Variants in GALNT13 observed in about 807,000 individuals in gnomAD.
GALNT13 encodes polypeptide N-acetylgalactosaminyltransferase 13, also known as UDP-GalNAc:polypeptide N-acetylgalactosaminyltransferase 13.
Under a neutral mutation model 64.2 loss-of-function variants are expected in GALNT13, and 28 were observed. The ratio of observed to expected loss-of-function variants is 0.44; its 90% CI spans 0.32 to 0.60. GALNT13 has a LOEUF of 0.60. Among genes scored for constraint, GALNT13 ranks in the 20% least tolerant of loss-of-function variants. The pLI is 0.05. For missense variants in GALNT13, 577 were observed against 669.8 expected, an observed-to-expected ratio of 0.86 and a Z score of 1.53; for synonymous variants, 214 against 224.6, an observed-to-expected ratio of 0.95 and a Z score of 0.42.
chr2:153,115,735 A>G, the GALNT13 span, among the ~76,000 whole-genome samples: 1 of 152,186 alleles, frequency 6.6e-6, no homozygotes, highest in Non-Finnish European at 1.5e-5. Flanking sequence ...CCTATTTTGT[A>G]TATAATTATT....
chr2:154,106,530 A>G (rs1702625579), intron 3 of GALNT13, among the ~76,000 whole-genome samples: 1 of 151,744 alleles, frequency 6.6e-6, no homozygotes, highest in South Asian at 2.1e-4. Flanking sequence ...TCTTTCTTTT[A>G]CCTATGTGTC....
At chr2:153,472,221 G>T in the GALNT13 span, among the ~76,000 whole-genome samples, 1 of 152,114 alleles carries the variant, frequency 6.6e-6, no homozygotes, top group Middle Eastern at 3.2e-3. Context: ...GGGAAGGAGT[G>T]CATAATGAAA....
At chr2:153,784,579 C>G in the GALNT13 span, among the ~76,000 whole-genome samples, 1 of 152,200 alleles carries the variant, frequency 6.6e-6, no homozygotes, top group South Asian at 2.1e-4. Context: ...TATGTGAAGT[C>G]TAGGCAGAGC....
At chr2:153,209,247 T>G in the GALNT13 span, among the ~76,000 whole-genome samples, 1 of 152,116 alleles carries the variant, frequency 6.6e-6, no homozygotes, top group Non-Finnish European at 1.5e-5. Context: ...CCCAAAGTGC[T>G]GGGATTACAG....
chr2:153,116,586 ATATT>A, the GALNT13 span, among the ~76,000 whole-genome samples: 11 of 152,112 alleles, frequency 7.2e-5, no homozygotes, highest in African/African-American at 2.7e-4. Flanking sequence ...GCTGCAAATG[ATATT>A]TAGAGCATAA....
intron 11 of GALNT13, among the ~76,000 whole-genome samples, chr2:154,429,601 C>G (rs567222152): frequency 1.1e-4 from 17 of 152,266 alleles, no homozygotes; most frequent in African/African-American, 4.1e-4. Flanking sequence ...GGAGAAGCTG[C>G]AGCAAGTTAT....
chr2:154,219,980 T>TA (rs1444303745), intron 4 of GALNT13, among the ~76,000 whole-genome samples: 5 of 152,118 alleles, frequency 3.3e-5, no homozygotes, highest in Non-Finnish European at 7.4e-5. Flanking sequence ...ATATCATATA[T>TA]AACTTCCAGG....
chr2:153,772,428 G>T, the GALNT13 span, among the ~76,000 whole-genome samples: 1 of 152,114 alleles, frequency 6.6e-6, no homozygotes, highest in Non-Finnish European at 1.5e-5. Context: ...ATCACAGCAG[G>T]AGACTCTGCT....
At chr2:153,291,913 G>T in the GALNT13 span, among the ~76,000 whole-genome samples, 2 of 152,082 alleles carry the variant, frequency 1.3e-5, no homozygotes, top group Non-Finnish European at 2.9e-5. Flanking sequence ...CACGTGCAGT[G>T]GTTTGTCTAG....
chr2:154,379,566 A>T (rs2105329038), intron 9 of GALNT13, among the ~76,000 whole-genome samples: 1 of 152,232 alleles, frequency 6.6e-6, no homozygotes, highest in South Asian at 2.1e-4. Flanking sequence ...CTTTAAAAGT[A>T]AATTATCTAG....
the GALNT13 span, among the ~76,000 whole-genome samples, chr2:153,592,673 T>C: frequency 6.6e-6 from 1 of 152,128 alleles, no homozygotes; most frequent in Non-Finnish European, 1.5e-5. Flanking sequence ...AGTGGAATTA[T>C]AGACAATGGA....
the GALNT13 span, among the ~76,000 whole-genome samples, chr2:153,439,207 G>A: frequency 6.6e-6 from 1 of 152,128 alleles, no homozygotes; most frequent in Admixed American, 6.5e-5. Context: ...ATACCTGGTG[G>A]TGTGAGGTGT....
At chr2:153,258,580 T>C in the GALNT13 span, among the ~76,000 whole-genome samples, 1 of 152,216 alleles carries the variant, frequency 6.6e-6, no homozygotes, top group Admixed American at 6.5e-5. Flanking sequence ...ATTGTTTTGA[T>C]GTAGGTGCTT....
chr2:153,421,144 T>A, the GALNT13 span: 1 of 249,034 alleles, frequency 4.0e-6, no homozygotes, highest in Non-Finnish European at 8.5e-6. Context: ...TGAGCACTGG[T>A]GACCTCTGCT....
intron 9 of GALNT13, among the ~76,000 whole-genome samples, chr2:154,345,442 A>G (rs1006796627): frequency 6.6e-5 from 10 of 152,162 alleles, no homozygotes; most frequent in African/African-American, 1.9e-4. Context: ...AAAATGTTCT[A>G]TAAATTTGCA....
At chr2:153,512,415 C>G in the GALNT13 span, among the ~76,000 whole-genome samples, 4 of 152,140 alleles carry the variant, frequency 2.6e-5, no homozygotes, top group Non-Finnish European at 4.4e-5. Flanking sequence ...GGGCTACAGA[C>G]TTTTTACACT....
chr2:154,438,074 A>T (rs76748846), intron 11 of GALNT13, among the ~76,000 whole-genome samples: 4,575 of 152,170 alleles, frequency 0.03, 105 homozygotes, highest in Middle Eastern at 0.044. Flanking sequence ...CCTACCTTTA[A>T]TAAGATCTCT....
At chr2:153,871,315 G>A (rs1283140537), upstream of GALNT13, among the ~76,000 whole-genome samples, 1 of 152,128 alleles carries the variant, frequency 6.6e-6, no homozygotes, top group Non-Finnish European at 1.5e-5. Flanking sequence ...CAGTGCGTTC[G>A]GTGGCAGTAG....
At chr2:154,372,652 C>T (rs1697764533) in intron 9 of GALNT13, among the ~76,000 whole-genome samples, 1 of 151,890 alleles carries the variant, frequency 6.6e-6, no homozygotes, top group Admixed American at 6.6e-5. Context: ...AATATAAACA[C>T]ACAAAATATA....
Sources: gnomAD v4.1 joint callset for allele counts (sites outside exome capture counted in the v4.1 genomes callset) on GRCh38, gnomAD v4.1.1 for gene constraint, MANE v1.5 for transcripts, NCBI Gene and HGNC (gene_info 2026-07-23, HGNC 2026-07-21) for gene names.